LARS2: variants seen among roughly 807,000 people sequenced by gnomAD.
LARS2 encodes the protein leucyl-tRNA synthetase 2, mitochondrial.
LARS2 carries 81 observed loss-of-function variants against 116.6 expected under a neutral mutation model. The observed-to-expected ratio is 0.69, with a 90% confidence interval of 0.58 to 0.84. The LOEUF (loss-of-function observed/expected upper bound fraction) is 0.84, where lower values mean the gene tolerates loss of function less well. Ranked by LOEUF, LARS2 falls within the 40% of genes least tolerant of loss-of-function variation. The probability of loss-of-function intolerance (pLI) is 0.00; values close to 1 mark genes in which losing one functional copy is unlikely to be tolerated. For synonymous variants in LARS2, 396 were observed against 407.2 expected (o/e 0.97, Z 0.33); for missense variants, 968 against 1,114.5 (o/e 0.87, Z 1.87).
chr3:45,390,851 A>T (rs528382858), intron 1 of LARS2, among the ~76,000 whole-genome samples: 4 of 151,222 alleles, frequency 2.6e-5, no homozygotes, highest in African/African-American at 9.7e-5. Flanking sequence ...ACGTGGTTTC[A>T]CCGTGGTCTC....
intron 10 of LARS2, among the ~76,000 whole-genome samples, chr3:45,484,630 A>AATATATATATATATATATAT (rs1553634444): frequency 0.014 from 133 of 9,702 alleles, 9 homozygotes; most frequent in South Asian, 0.098. Context: ...AAAAAAAAAA[A>AATATATATATATATATATAT]ATATATATAT....
At chr3:45,404,602 T>C (rs1698203311) in intron 4 of LARS2, among the ~76,000 whole-genome samples, 3 of 152,164 alleles carry the variant, frequency 2.0e-5, no homozygotes, top group Admixed American at 2.0e-4. Flanking sequence ...AGTCAGTAAG[T>C]AATCATTGAG....
Position 45,476,505 on chromosome 3 carries a change from A to G in LARS2, c.896A>G (p.Tyr299Cys), listed in dbSNP as rs567270005. Reference sequence around the variant, plus strand: ...GCCACGGGCGAAAAGCTGACTGCCTATACGGCCACCCCTGAAGCCATTTAT... The same window carrying G: ...GCCACGGGCGAAAAGCTGACTGCCTGTACGGCCACCCCTGAAGCCATTTAT... ...GQATGEKLTA[Y>C]TATPEAIYGT... The change falls in exon 10 of 22, where the codon TAT becomes TGT. Residue 299 changes from tyrosine (Y) to cysteine (C), a missense_variant. Coordinates refer to ENST00000645846, the MANE Select transcript of LARS2 (RefSeq NM_015340.4). 5.0e-6 allele frequency: 8 copies of G among 1,614,204 alleles called. No individual in the cohort carries two copies. The Admixed American group carries it at 1.0e-4, about 20-fold the overall frequency.
intron 3 of LARS2, among the ~76,000 whole-genome samples, chr3:45,398,199 A>G (rs1285315453): frequency 6.6e-6 from 1 of 152,166 alleles, no homozygotes; most frequent in East Asian, 1.9e-4. Flanking sequence ...GTTCTACTCT[A>G]GTTTTTGTGG....
intron 15 of LARS2, among the ~76,000 whole-genome samples, chr3:45,512,616 A>G (rs1700306960): frequency 6.6e-6 from 1 of 152,256 alleles, no homozygotes; most frequent in African/African-American, 2.4e-5. Flanking sequence ...GTGAAATACC[A>G]TAAAGTATAC....
intron 15 of LARS2, among the ~76,000 whole-genome samples, chr3:45,510,114 C>T (rs771259757): frequency 6.6e-6 from 1 of 151,898 alleles, no homozygotes; most frequent in African/African-American, 2.4e-5. Flanking sequence ...CTGAGAGTGG[C>T]CTTTAAGGAT....
At chr3:45,537,697 C>A (rs1318168057) in intron 20 of LARS2, among the ~76,000 whole-genome samples, 2 of 152,148 alleles carry the variant, frequency 1.3e-5, no homozygotes, top group Non-Finnish European at 2.9e-5. Context: ...CCTGACTCTT[C>A]CCCCCTGGTG....
chr3:45,390,998 A>G lies in LARS2; in HGVS notation c.-87-585A>G, dbSNP rs144134097. Among the ~76,000 whole-genome samples, 823 of 152,328 alleles carry G rather than the reference A, an allele frequency of 5.4e-3. 5 individuals carry two copies. Among genetic ancestry groups the G allele is most frequent in the African/African-American group, 0.019 (793 of 41,564 alleles). ...TTCTTTTCACACACATGAGCTCAAG[A>G]GTAGAAACCTTTTGTTTTTGCAGTT... is the stretch of plus-strand genomic sequence containing the variant. On this transcript the variant is annotated intron_variant, in intron 1 of 21. Transcript: ENST00000645846.
intron 7 of LARS2, among the ~76,000 whole-genome samples, chr3:45,457,273 A>G (rs80112304): frequency 6.2e-4 from 95 of 152,384 alleles, no homozygotes; most frequent in African/African-American, 2.1e-3. Flanking sequence ...TAAGGGTCCA[A>G]GGGAATGCAG....
chr3:45,437,140 G>C (rs1698822101), intron 6 of LARS2, among the ~76,000 whole-genome samples: 1 of 152,178 alleles, frequency 6.6e-6, no homozygotes, highest in Non-Finnish European at 1.5e-5. Context: ...TTGGCTTCAA[G>C]AGCACTTAAT....
At chr3:45,519,900 G>T (rs1023805507) in intron 18 of LARS2, 1 of 214,344 alleles carries the variant, frequency 4.7e-6, no homozygotes, top group Non-Finnish European at 9.4e-6. Flanking sequence ...CACCCACCTC[G>T]GCCTTCCAAA....
intron 7 of LARS2, among the ~76,000 whole-genome samples, chr3:45,458,044 G>A (rs1417309555): frequency 6.6e-6 from 1 of 152,152 alleles, no homozygotes; most frequent in Non-Finnish European, 1.5e-5. Context: ...ATGGTTACAT[G>A]AGTATGTAAC....
chr3:45,449,251 C>T (rs937066994), intron 7 of LARS2, among the ~76,000 whole-genome samples: 2 of 151,260 alleles, frequency 1.3e-5, no homozygotes, highest in African/African-American at 4.9e-5. Context: ...CAACCTCCGC[C>T]TCCCGGGTTC....
intron 13 of LARS2, among the ~76,000 whole-genome samples, chr3:45,495,866 CTTT>C (rs1362982733): frequency 6.9e-6 from 1 of 145,864 alleles, no homozygotes; most frequent in African/African-American, 2.5e-5. Flanking sequence ...TGGCTTTATT[CTTT>C]TTTTTTTTTG....
intron 6 of LARS2, among the ~76,000 whole-genome samples, chr3:45,433,142 A>G (rs1698745963): frequency 6.6e-6 from 1 of 151,982 alleles, no homozygotes; most frequent in Non-Finnish European, 1.5e-5. Flanking sequence ...CTTTCAACCC[A>G]CTTATTATAT....
chr3:45,509,192 A>AC lies in LARS2; in HGVS notation c.1761-3942dup, dbSNP rs1559492265. Among the ~76,000 whole-genome samples the AC allele has an allele frequency of 2.6e-5, 4 of 152,196 alleles. No homozygotes were observed. The East Asian group carries it at 7.7e-4, about 29-fold the overall frequency. ...CGCGTTTGATGGTCCCTGAGTCAGA[A>AC]CGGTTTGTTAGTGGTTTAGAGTTGC... On this transcript the variant is annotated intron_variant, in intron 15 of 21. Transcript: ENST00000645846.
chr3:45,517,242 G>A (rs993381788), intron 17 of LARS2, among the ~76,000 whole-genome samples: 5 of 152,194 alleles, frequency 3.3e-5, no homozygotes, highest in African/African-American at 1.2e-4. Context: ...AGAAGGTTCT[G>A]CTGTGCATTC....
intron 3 of LARS2, among the ~76,000 whole-genome samples, chr3:45,395,349 G>A (rs1021186153): frequency 3.3e-5 from 5 of 152,172 alleles, no homozygotes; most frequent in African/African-American, 7.2e-5. Flanking sequence ...ACACCAGCTC[G>A]GCACTCTACC....
At chr3:45,488,932 G>A in intron 12 of LARS2, 120 bp downstream of exon 12, 1 of 735,552 alleles carries the variant, frequency 1.4e-6, no homozygotes, top group Non-Finnish European at 2.5e-6. Context: ...ACAGCCTTGT[G>A]GCCTCATATC....
Sources: gnomAD v4.1 joint callset for allele counts (sites outside exome capture counted in the v4.1 genomes callset) on GRCh38, gnomAD v4.1.1 for gene constraint, MANE v1.5 for transcripts, NCBI Gene and HGNC (gene_info 2026-07-23, HGNC 2026-07-21) for gene names.